Variants in RNF13 observed in about 807,000 individuals in gnomAD.
RNF13 encodes the protein ring finger protein 13, also known as E3 ubiquitin-protein ligase RNF13.
In RNF13, 19 loss-of-function variants were observed where a neutral mutation model predicts 37.7. The observed-to-expected ratio is 0.50, with a 90% CI of 0.35 to 0.74. The LOEUF is 0.74. Ranked by LOEUF, RNF13 falls within the 30% of genes least tolerant of loss-of-function variation. RNF13 has a pLI of 0.01. For missense variants in RNF13, 375 were observed against 453.0 expected (o/e 0.83, Z 1.56); for synonymous variants, 144 against 157.8 (o/e 0.91, Z 0.65).
intron 1 of RNF13, among the ~76,000 whole-genome samples, chr3:149,840,193 G>T (rs370112181): frequency 2.8e-4 from 42 of 152,324 alleles, no homozygotes; most frequent in Non-Finnish European, 1.0e-4. Flanking sequence ...GCTGATTTCA[G>T]TTAAAATGTC....
At chr3:149,814,605 A>G (rs928066196) in intron 1 of RNF13, among the ~76,000 whole-genome samples, 4 of 152,240 alleles carry the variant, frequency 2.6e-5, no homozygotes, top group African/African-American at 9.6e-5. Context: ...ATTGTATGGA[A>G]TAAAAGTAAA....
chr3:149,888,979 C>T (rs1447358100), intron 4 of RNF13, among the ~76,000 whole-genome samples: 1 of 152,156 alleles, frequency 6.6e-6, no homozygotes, highest in Non-Finnish European at 1.5e-5. Flanking sequence ...TGCTCTGTCA[C>T]CCAGGCCGAA....
At chr3:149,935,452 T>C (rs1342489804) in intron 8 of RNF13, among the ~76,000 whole-genome samples, 1 of 152,192 alleles carries the variant, frequency 6.6e-6, no homozygotes, top group African/African-American at 2.4e-5. Context: ...TTTTTTACTT[T>C]CTTTTCTTTC....
intron 4 of RNF13, among the ~76,000 whole-genome samples, chr3:149,878,977 A>G (rs1299809514): frequency 2.0e-5 from 3 of 152,200 alleles, no homozygotes; most frequent in Non-Finnish European, 4.4e-5. Flanking sequence ...TCTTTAGGGA[A>G]TCTTTAGAAG....
At chr3:149,848,876 TCAGA>T (rs1409162549) in intron 2 of RNF13, among the ~76,000 whole-genome samples, 2 of 152,148 alleles carry the variant, frequency 1.3e-5, no homozygotes, top group Non-Finnish European at 2.9e-5. Flanking sequence ...AGCTGACTAG[TCAGA>T]CAGACCTCTA....
At position 149,961,131 on chromosome 3, in the gene RNF13, C is replaced by T. The variant is rs1421968926; in HGVS notation, c.*27C>T. ...TTTCAGAAGATGATTGGTTTATTTC[C>T]CTTTAAAATGATTAGGTATATACTG... is the stretch of plus-strand genomic sequence containing the variant. On this transcript the variant is annotated 3_prime_UTR_variant, in exon 10 of 10. Transcript: ENST00000392894. 6.4e-7 allele frequency: 1 copy of T among 1,562,488 alleles called. No homozygotes were observed. The highest frequency in any genetic ancestry group is 1.9e-5 in the Admixed American group (1 of 53,980).
chr3:149,907,300 A>G (rs1171327834), intron 6 of RNF13, among the ~76,000 whole-genome samples: 1 of 152,206 alleles, frequency 6.6e-6, no homozygotes, highest in Non-Finnish European at 1.5e-5. Context: ...AGTAGTAGAG[A>G]TAGGCATCTT....
intron 8 of RNF13, among the ~76,000 whole-genome samples, chr3:149,941,762 A>AT (rs1720303487): frequency 6.6e-6 from 1 of 151,742 alleles, no homozygotes; most frequent in Non-Finnish European, 1.5e-5. Flanking sequence ...ATAATTCTCA[A>AT]ATCCAATATC....
intron 8 of RNF13, among the ~76,000 whole-genome samples, chr3:149,947,943 A>T (rs978170862): frequency 6.6e-6 from 1 of 151,786 alleles, no homozygotes; most frequent in Non-Finnish European, 1.5e-5. Context: ...CTTTTAGCCT[A>T]TGTGTGCTTT....
chr3:149,880,689 C>G (rs1396550433), intron 4 of RNF13, among the ~76,000 whole-genome samples: 1 of 152,038 alleles, frequency 6.6e-6, no homozygotes, highest in East Asian at 1.9e-4. Flanking sequence ...TAGTACTAAT[C>G]ATGTTCCAGC....
At chr3:149,835,337 G>A (rs538115551) in intron 1 of RNF13, among the ~76,000 whole-genome samples, 1 of 152,168 alleles carries the variant, frequency 6.6e-6, no homozygotes, top group South Asian at 2.1e-4. Flanking sequence ...GGAACAGGTG[G>A]TATTTGGTTA....
chr3:149,854,306 C>G (rs1363896121), intron 3 of RNF13, among the ~76,000 whole-genome samples: 1 of 152,004 alleles, frequency 6.6e-6, no homozygotes, highest in African/African-American at 2.4e-5. Flanking sequence ...AAAGGAAACA[C>G]CTTCTTTTAT....
chr3:149,948,474 A>G (rs1346664384), intron 8 of RNF13, among the ~76,000 whole-genome samples: 2 of 151,696 alleles, frequency 1.3e-5, no homozygotes. Flanking sequence ...TGACGTTTTG[A>G]TTCCCTTATT....
At chr3:149,896,536 A>G (rs1331229673) in intron 5 of RNF13, among the ~76,000 whole-genome samples, 4 of 151,158 alleles carry the variant, frequency 2.6e-5, no homozygotes, top group African/African-American at 7.3e-5. Context: ...CTGGAGTGCA[A>G]TGGTGCGATG....
chr3:149,859,245 C>T (rs1723974338), intron 3 of RNF13, among the ~76,000 whole-genome samples: 1 of 152,076 alleles, frequency 6.6e-6, no homozygotes, highest in Non-Finnish European at 1.5e-5. Context: ...AAGAGTCAAA[C>T]CATCTGGTTA....
rs746401788 is a variant in RNF13 at position 149,949,028 on chromosome 3, GA to G, written c.701-11015del. Among the ~76,000 whole-genome samples, 966 of 140,402 alleles carry G rather than the reference GA, an allele frequency of 6.9e-3. 7 individuals carry two copies. Among genetic ancestry groups the G allele is most frequent in the African/African-American group, 0.02 (790 of 38,564 alleles). The allele number at this position is 140,402 out of a possible 152,430, so 92.1% of individuals were successfully genotyped here. ...GGGTGACAGAGCCAGACCCTGTCTA[GA>G]AAAAAAAAAAAATTATATACCAGAT... On this transcript the variant is annotated intron_variant, in intron 8 of 9. Coordinates refer to ENST00000392894, the MANE Select transcript of RNF13 (RefSeq NM_183381.3).
intron 4 of RNF13, among the ~76,000 whole-genome samples, chr3:149,891,814 G>C (rs1714735372): frequency 6.6e-6 from 1 of 152,204 alleles, no homozygotes; most frequent in East Asian, 1.9e-4. Context: ...TGCATTTTAT[G>C]AATGGGAAAC....
At chr3:149,901,446 T>G (rs997493761) in intron 5 of RNF13, among the ~76,000 whole-genome samples, 2 of 152,182 alleles carry the variant, frequency 1.3e-5, no homozygotes, top group African/African-American at 4.8e-5. Flanking sequence ...TGATTTTGGT[T>G]TTGAATATGG....
At chr3:149,844,089 ACTT>A (rs1012102507) in intron 1 of RNF13, among the ~76,000 whole-genome samples, 17 of 152,298 alleles carry the variant, frequency 1.1e-4, no homozygotes, top group South Asian at 8.3e-4. Context: ...TTAGGTACAT[ACTT>A]CTTCTTCCTA....
Sources: allele counts gnomAD v4.1 joint callset (sites outside exome capture counted in the v4.1 genomes callset), GRCh38; gene constraint gnomAD v4.1.1; transcripts MANE v1.5; gene names NCBI Gene and HGNC (gene_info 2026-07-23, HGNC 2026-07-21).